Variants in PCOLCE2 observed in about 807,000 individuals in gnomAD.
PCOLCE2 encodes the protein procollagen C-endopeptidase enhancer 2.
In PCOLCE2, 42 loss-of-function variants were observed where a neutral mutation model predicts 47.0. That is an observed-to-expected ratio of 0.89 (90% CI 0.70 to 1.16). PCOLCE2 has a LOEUF of 1.16. PCOLCE2 is among the 50% of genes most tolerant of loss of function. The pLI is 0.00. For missense variants in PCOLCE2, 500 were observed against 526.1 expected, an observed-to-expected ratio of 0.95 and a Z score of 0.49; for synonymous variants, 169 against 191.7, an observed-to-expected ratio of 0.88 and a Z score of 0.98.
rs767747803 is a variant in PCOLCE2 at position 142,838,921 on chromosome 3, C to A, written c.574-15G>T. ...AATTCTATAAGCTTTAGAGAAAGCA[C>A]AATAGAAGTGTCAAATATTAATAGC... On this transcript the variant is annotated splice_polypyrimidine_tract_variant and intron_variant, in intron 4 of 8. Transcript: ENST00000295992. 2.5e-6 allele frequency: 4 copies of A among 1,597,366 alleles called. No homozygotes were observed. The highest frequency in any genetic ancestry group is 1.3e-5 in the African/African-American group (1 of 74,710).
At chr3:142,868,145 C>T (rs1933318273) in intron 2 of PCOLCE2, among the ~76,000 whole-genome samples, 2 of 152,266 alleles carry the variant, frequency 1.3e-5, no homozygotes, top group Admixed American at 1.3e-4. Context: ...TGTCAGGTCA[C>T]GACGTGCAGG....
At chr3:142,834,057 C>T (rs1029701500) in intron 5 of PCOLCE2, among the ~76,000 whole-genome samples, 65 of 152,262 alleles carry the variant, frequency 4.3e-4, no homozygotes, top group African/African-American at 1.5e-3. Context: ...TGAGGCCATC[C>T]TTTTCCTGCT....
intron 5 of PCOLCE2, among the ~76,000 whole-genome samples, chr3:142,833,981 A>G (rs538124269): frequency 6.6e-6 from 1 of 152,108 alleles, no homozygotes; most frequent in Non-Finnish European, 1.5e-5. Context: ...TTTTTGTGTG[A>G]TATTAGCTAT....
rs894153240 is a variant in PCOLCE2, at chr3:142,878,634, C to T, written c.192+9035G>A. On this transcript the variant is annotated intron_variant, in intron 2 of 8. Coordinates refer to ENST00000295992, the MANE Select transcript of PCOLCE2 (RefSeq NM_013363.4). ...CCCACTTTGGGAGACCAAGGCGGGC[C>T]GACTGACTTGAGGTCAGGAGTTTGA... is the stretch of plus-strand genomic sequence containing the variant. Among the ~76,000 whole-genome samples the T allele has an allele frequency of 9.9e-5, 15 of 152,114 alleles. No homozygotes were observed. In the East Asian group the frequency reaches 1.2e-3, roughly 12 times the overall value.
intron 2 of PCOLCE2, 150 bp from the exon 3 acceptor site, chr3:142,848,622 A>T: frequency 1.6e-6 from 1 of 642,794 alleles, no homozygotes; most frequent in Non-Finnish European, 2.5e-6. Context: ...GAAGTTTTCT[A>T]GCATATTGCA....
intron 2 of PCOLCE2, 105 bp from the exon 3 acceptor site, chr3:142,848,577 G>C (rs1937355667): frequency 6.9e-6 from 7 of 1,019,050 alleles, no homozygotes; most frequent in Non-Finnish European, 1.0e-5. Context: ...CCAAGATAAT[G>C]CTTTTTCCTC....
At chr3:142,825,180 T>C (rs1578028426) in intron 6 of PCOLCE2, among the ~76,000 whole-genome samples, 1 of 152,136 alleles carries the variant, frequency 6.6e-6, no homozygotes, top group East Asian at 1.9e-4. Flanking sequence ...AGTCAAAAAG[T>C]TGTGGTGTGT....
At chr3:142,849,511 G>A (rs1182739291) in intron 2 of PCOLCE2, among the ~76,000 whole-genome samples, 5 of 152,112 alleles carry the variant, frequency 3.3e-5, no homozygotes, top group Non-Finnish European at 7.4e-5. Flanking sequence ...AATTCTTAAT[G>A]ATGGTTCCTT....
intron 2 of PCOLCE2, among the ~76,000 whole-genome samples, chr3:142,880,712 T>C (rs963615922): frequency 8.5e-5 from 13 of 152,240 alleles, no homozygotes; most frequent in African/African-American, 2.9e-4. Context: ...CTTTAACATA[T>C]GTAAGTTATA....
At chr3:142,887,604 G>T (rs1346601027) in intron 2 of PCOLCE2, 65 bp downstream of exon 2, 2 of 802,182 alleles carry the variant, frequency 2.5e-6, no homozygotes, top group Admixed American at 4.0e-5. Flanking sequence ...AGAGGAAAAA[G>T]GCAGCAGCCT....
chr3:142,829,631 T>C (rs1937123231), intron 6 of PCOLCE2, 61 bp downstream of exon 6: 11 of 1,299,326 alleles, frequency 8.5e-6, no homozygotes, highest in Non-Finnish European at 1.2e-5. Context: ...TTTTCTACTT[T>C]AAAAGAATTC....
chr3:142,820,107 A>AT (rs76842871), intron 8 of PCOLCE2, among the ~76,000 whole-genome samples: 5,114 of 144,990 alleles, frequency 0.035, 277 homozygotes, highest in African/African-American at 0.12. Context: ...AGGAACTTAA[A>AT]TTTTTTTTTT....
chr3:142,844,990 C>A (rs1937307757), intron 3 of PCOLCE2, among the ~76,000 whole-genome samples: 1 of 152,122 alleles, frequency 6.6e-6, no homozygotes, highest in Non-Finnish European at 1.5e-5. Context: ...GCTTTTCAAT[C>A]CATTCTAACA....
intron 5 of PCOLCE2, among the ~76,000 whole-genome samples, chr3:142,837,398 T>C (rs1384274515): frequency 6.6e-6 from 1 of 152,222 alleles, no homozygotes; most frequent in Non-Finnish European, 1.5e-5. Flanking sequence ...GTAAACCAAA[T>C]TTGGGTATGG....
At chr3:142,826,619 G>A (rs1025238094) in intron 6 of PCOLCE2, among the ~76,000 whole-genome samples, 6 of 152,116 alleles carry the variant, frequency 3.9e-5, no homozygotes, top group African/African-American at 1.4e-4. Context: ...CAAACTTGGG[G>A]AATGAGCTAC....
intron 4 of PCOLCE2, among the ~76,000 whole-genome samples, chr3:142,840,325 C>T (rs1315130410): frequency 1.3e-5 from 2 of 152,108 alleles, no homozygotes; most frequent in Non-Finnish European, 2.9e-5. Context: ...ATCAATCATT[C>T]CCCATACAAG....
intron 2 of PCOLCE2, among the ~76,000 whole-genome samples, chr3:142,886,391 C>T (rs2608070): frequency 0.78 from 118,961 of 151,692 alleles, 46,906 homozygotes; most frequent in African/African-American, 0.82. Flanking sequence ...ACAATCACGA[C>T]ATGAAAATCA....
chr3:142,882,421 T>C (rs1053886782), intron 2 of PCOLCE2, among the ~76,000 whole-genome samples: 1 of 152,174 alleles, frequency 6.6e-6, no homozygotes, highest in Non-Finnish European at 1.5e-5. Flanking sequence ...TTGCTCTATG[T>C]TTGCTGATTT....
At chr3:142,847,492 T>C (rs1937339560) in intron 3 of PCOLCE2, among the ~76,000 whole-genome samples, 1 of 152,232 alleles carries the variant, frequency 6.6e-6, no homozygotes, top group Non-Finnish European at 1.5e-5. Context: ...TAGAGATTTC[T>C]ACGCTTGGGA....
Sources: allele counts gnomAD v4.1 joint callset (sites outside exome capture counted in the v4.1 genomes callset), GRCh38; gene constraint gnomAD v4.1.1; transcripts MANE v1.5; gene names NCBI Gene and HGNC (gene_info 2026-07-23, HGNC 2026-07-21).